Variants in DST observed in about 807,000 individuals in gnomAD.
DST encodes the protein dystonin, also known as bullous pemphigoid antigen.
Under a neutral mutation model 875.2 loss-of-function variants are expected in DST, and 253 were observed. The observed-to-expected ratio is 0.29, with a 90% CI of 0.26 to 0.32. The LOEUF (loss-of-function observed/expected upper bound fraction) is 0.32, where lower values mean the gene tolerates loss of function less well. Ranked by LOEUF, DST falls within the 10% of genes least tolerant of loss-of-function variation. The pLI is 1.00. For missense variants in DST, 8,287 were observed against 9,111.6 expected, an observed-to-expected ratio of 0.91 and a Z score of 3.68; for synonymous variants, 3,124 against 3,197.1, an observed-to-expected ratio of 0.98 and a Z score of 0.77.
chr6:56,617,121 G>C (rs765074149), intron 36 of DST: 1 of 1,611,540 alleles, frequency 6.2e-7, no homozygotes, highest in Non-Finnish European at 8.5e-7. Context: ...AGACCGAGTC[G>C]CAGCTGCTCA....
chr6:56,843,075 T>C, intron 4 of DST: 1 of 1,554,114 alleles, frequency 6.4e-7, no homozygotes, highest in Non-Finnish European at 8.8e-7. Flanking sequence ...CTCCAGGACA[T>C]CCTCGTAGGC....
intron 10 of DST, among the ~76,000 whole-genome samples, chr6:56,662,506 T>C (rs537390393): frequency 5.3e-5 from 8 of 152,292 alleles, no homozygotes; most frequent in Non-Finnish European, 8.8e-5. Context: ...GCTGTAGAAA[T>C]TGCAACTAGG....
intron 4 of DST, among the ~76,000 whole-genome samples, chr6:56,823,189 CTAAG>C (rs1003143218): frequency 6.6e-6 from 1 of 152,122 alleles, no homozygotes; most frequent in African/African-American, 2.4e-5. Flanking sequence ...CAACAAATTT[CTAAG>C]TAAGTCTGTC....
At chr6:56,667,828 T>TATAC (rs1554596727) in intron 10 of DST, among the ~76,000 whole-genome samples, 10,977 of 149,682 alleles carry the variant, frequency 0.073, 670 homozygotes, top group African/African-American at 0.18. Context: ...TATATATATA[T>TATAC]ACACACACAC....
At chr6:56,501,293 C>T in intron 79 of DST, 58 bp from the exon 80 acceptor site, 3 of 1,497,120 alleles carry the variant, frequency 2.0e-6, no homozygotes, top group Non-Finnish European at 2.7e-6. Flanking sequence ...AATGACATGT[C>T]TATAAAACAA....
chr6:56,735,078 T>C, intron 5 of DST, 150 bp downstream of exon 5: 2 of 643,934 alleles, frequency 3.1e-6, no homozygotes, highest in Non-Finnish European at 2.8e-6. Flanking sequence ...CAAATAATTA[T>C]AGATGCCTAA....
At chr6:56,497,292 CT>C in intron 82 of DST, 86 bp downstream of exon 82, 4 of 1,469,776 alleles carry the variant, frequency 2.7e-6, no homozygotes, top group Non-Finnish European at 3.7e-6. Flanking sequence ...TTAAAGCCTT[CT>C]CCCACGATTT....
chr6:56,474,045 A>G lies in DST; in HGVS notation c.21865-43T>C, dbSNP rs367855045. The stretch of plus-strand genomic sequence containing the variant: ...ATGTCAATCAAATAAGAGTTACTAC[A>G]GAAAACCGTCTTTAGAAATGAACTA... On this transcript the variant is annotated intron_variant, in intron 92 of 103. Coordinates refer to ENST00000680361, the MANE Select transcript of DST (RefSeq NM_001374736.1). The G allele has an allele frequency of 5.2e-6, 8 of 1,529,168 alleles. No individual in the cohort carries two copies. The African/African-American group carries it at 1.1e-4, about 21-fold the overall frequency. The allele number at this position is 1,529,168 out of a possible 1,614,324, so 94.7% of individuals were successfully genotyped here.
At chr6:56,666,618 A>G (rs978674234) in intron 10 of DST, among the ~76,000 whole-genome samples, 1 of 152,206 alleles carries the variant, frequency 6.6e-6, no homozygotes, top group Non-Finnish European at 1.5e-5. Flanking sequence ...TAAATGTTTG[A>G]TCTAGATACA....
chr6:56,637,133 C>A (rs546884731), intron 22 of DST, among the ~76,000 whole-genome samples: 1 of 151,840 alleles, frequency 6.6e-6, no homozygotes, highest in African/African-American at 2.4e-5. Flanking sequence ...AAAATCAGGG[C>A]AGTAAAATTT....
intron 9 of DST, among the ~76,000 whole-genome samples, chr6:56,671,462 G>A (rs1310651462): frequency 6.6e-6 from 1 of 152,124 alleles, no homozygotes; most frequent in African/African-American, 2.4e-5. Context: ...GTCCTTGCTT[G>A]GCTTGCTCAA....
chr6:56,755,141 A>T (rs2099598503), intron 4 of DST, among the ~76,000 whole-genome samples: 1 of 152,082 alleles, frequency 6.6e-6, no homozygotes, highest in Admixed American at 6.6e-5. Flanking sequence ...AATAAAAAAA[A>T]AAAAAACAAG....
intron 3 of DST, among the ~76,000 whole-genome samples, chr6:56,878,661 C>G (rs1780616076): frequency 6.6e-6 from 1 of 152,144 alleles, no homozygotes; most frequent in Admixed American, 6.5e-5. Context: ...ACTGCCAGGT[C>G]ATAACTATAA....
intron 9 of DST, chr6:56,692,559 T>C: frequency 1.6e-6 from 2 of 1,289,806 alleles, no homozygotes; most frequent in Non-Finnish European, 2.0e-6. Context: ...ACCCACTTTT[T>C]TCGAGTGATC....
In DST at chr6:56,552,899, A is replaced by C. The variant is rs1373141449; in HGVS notation, c.15893T>G (p.Ile5298Ser). 7 of 1,613,984 alleles carry C rather than the reference A, an allele frequency of 4.3e-6. No individual in the cohort carries two copies. Among genetic ancestry groups the C allele is most frequent in the Non-Finnish European group, 5.9e-6 (7 of 1,179,870 alleles). Residue 5298 changes from isoleucine to serine, a missense_variant, in exon 61 of 104, where the codon ATC (isoleucine) becomes AGC (serine). Ile to Ser is a moderately radical substitution (Grantham distance 142). This residue lies in a region of DST where 1,513 missense variants were observed against 1,677.8 expected (regional missense o/e 0.90). Coordinates refer to ENST00000680361, the MANE Select transcript of DST (RefSeq NM_001374736.1). ...AGCCTGGGATCCCAGCGAATCATGG[A>C]TATCTAGCTGCTCCTTTGCACACTG... ...QLQCAKEQLD[I>S]HDSLGSQAYS... is the part of the protein sequence containing the mutation.
rs67009040 is a variant in DST at position 56,470,781 on chromosome 6, AACACACACACACACACAC to A, written c.22321+307_22321+324del. On this transcript the variant is annotated intron_variant, in intron 95 of 103. Coordinates refer to ENST00000680361, the MANE Select transcript of DST (RefSeq NM_001374736.1). ...ACTTCCTATTACACATATGCCAGGC[AACACACACACACACACAC>A]ACACACACACACACACACACACACA... is the stretch of plus-strand genomic sequence containing the variant. Among the ~76,000 whole-genome samples the A allele has an allele frequency of 4.1e-4, 58 of 141,540 alleles. No individual in the cohort carries two copies. The South Asian group carries it at 5.6e-3, about 14-fold the overall frequency. The allele number at this position is 141,540 out of a possible 152,430, so 92.9% of individuals were successfully genotyped here.
At chr6:56,782,010 T>C (rs1053276664) in intron 4 of DST, among the ~76,000 whole-genome samples, 1 of 152,218 alleles carries the variant, frequency 6.6e-6, no homozygotes, top group African/African-American at 2.4e-5. Flanking sequence ...GTTCTGTTTA[T>C]ATGCTGCATT....
At chr6:56,650,244 G>A (rs374891260) in intron 12 of DST, among the ~76,000 whole-genome samples, 6 of 149,518 alleles carry the variant, frequency 4.0e-5, no homozygotes, top group Middle Eastern at 3.2e-3. Flanking sequence ...CCAAGTGAAG[G>A]GGATCATCCC....
intron 9 of DST, among the ~76,000 whole-genome samples, chr6:56,698,923 G>A (rs1399567692): frequency 6.6e-6 from 1 of 152,200 alleles, no homozygotes; most frequent in Non-Finnish European, 1.5e-5. Context: ...AGTGAGCACA[G>A]TACCCAATAG....
Sources: allele counts gnomAD v4.1 joint callset (sites outside exome capture counted in the v4.1 genomes callset), GRCh38; gene constraint gnomAD v4.1.1; regional missense constraint gnomAD v4.1.1; transcripts MANE v1.5; gene names NCBI Gene and HGNC (gene_info 2026-07-23, HGNC 2026-07-21).